The following ANKRD27 variants were observed in gnomAD, a reference collection of about 807,000 sequenced individuals.
The protein encoded by ANKRD27 is ankyrin repeat domain 27.
A neutral mutation model predicts 129.7 loss-of-function variants in ANKRD27; 112 were observed. The ratio of observed to expected loss-of-function variants is 0.86; its 90% CI spans 0.74 to 1.01. The LOEUF is 1.01. Among genes scored for constraint, ANKRD27 ranks in the 50% least tolerant of loss-of-function variants. The pLI is 0.00. For synonymous variants in ANKRD27, 516 were observed against 511.2 expected, an observed-to-expected ratio of 1.01 and a Z score of -0.13; for missense variants, 1,258 against 1,300.5, an observed-to-expected ratio of 0.97 and a Z score of 0.50.
chr19:32,658,399 C>A (rs981327711), intron 2 of ANKRD27, among the ~76,000 whole-genome samples: 1 of 152,206 alleles, frequency 6.6e-6, no homozygotes, highest in Admixed American at 6.5e-5. Context: ...CTGGCTGCCC[C>A]TGAAGGCTTC....
intron 23 of ANKRD27, among the ~76,000 whole-genome samples, chr19:32,607,331 G>A (rs374077167): frequency 1.3e-5 from 2 of 152,094 alleles, no homozygotes; most frequent in African/African-American, 4.8e-5. Context: ...CATGGGGACA[G>A]TGCTCGGTGG....
At chr19:32,605,779 A>G (rs1971723597) in intron 24 of ANKRD27, 56 bp downstream of exon 24, 1 of 1,595,746 alleles carries the variant, frequency 6.3e-7, no homozygotes, top group African/African-American at 1.3e-5. Flanking sequence ...CGCTGGGTGG[A>G]GGCGCCCTGT....
chr19:32,639,896 C>T (rs369485497), intron 11 of ANKRD27, among the ~76,000 whole-genome samples: 62 of 152,254 alleles, frequency 4.1e-4, no homozygotes, highest in African/African-American at 1.3e-3. Flanking sequence ...ACACCTAGCT[C>T]GTAACAGGTG....
At chr19:32,620,531 T>C (rs181823577) in intron 18 of ANKRD27, among the ~76,000 whole-genome samples, 1 of 149,100 alleles carries the variant, frequency 6.7e-6, no homozygotes, top group East Asian at 2.0e-4. Context: ...ATCATGCCAC[T>C]GCACTCCAGC....
chr19:32,661,217 T>TCACACA (rs1568419902), intron 1 of ANKRD27, among the ~76,000 whole-genome samples: 2 of 87,370 alleles, frequency 2.3e-5, no homozygotes, highest in African/African-American at 7.0e-5. Flanking sequence ...AAAAAAAAAA[T>TCACACA]TATACACACA....
chr19:32,642,826 T>C (rs1041120104), intron 9 of ANKRD27, among the ~76,000 whole-genome samples: 2 of 152,148 alleles, frequency 1.3e-5, no homozygotes, highest in African/African-American at 4.8e-5. Flanking sequence ...GGATGTCCCC[T>C]GCACGCAGAA....
intron 13 of ANKRD27, among the ~76,000 whole-genome samples, chr19:32,630,315 CCA>C (rs1966970825): frequency 6.6e-6 from 1 of 152,224 alleles, no homozygotes. Flanking sequence ...CTGCCCTCGC[CCA>C]GCACTCACGG....
In ANKRD27 at chr19:32,598,280, AGGCCTCTCT is replaced by A; in HGVS notation, c.3009_3017del (p.Glu1004_Pro1006del). 6.2e-7 allele frequency: 1 copy of A among 1,614,194 alleles called. No individual in the cohort carries two copies. Among genetic ancestry groups the A allele is most frequent in the South Asian group, 1.1e-5 (1 of 91,088 alleles). On this transcript the variant is annotated inframe_deletion, in exon 29 of 29. Coordinates refer to ENST00000306065, the MANE Select transcript of ANKRD27 (RefSeq NM_032139.3). ...GTCCAGGGCCAGTCTGTGTCAGTCC[AGGCCTCTCT>A]GGCCAGTCGCTGTTGCCTTTCTCAG...
At chr19:32,647,997 G>A (rs1599764131) in intron 3 of ANKRD27, among the ~76,000 whole-genome samples, 2 of 152,232 alleles carry the variant, frequency 1.3e-5, no homozygotes, top group East Asian at 3.8e-4. Flanking sequence ...CGGGTGCAGT[G>A]GCTCATGCCT....
intron 2 of ANKRD27, among the ~76,000 whole-genome samples, chr19:32,655,845 C>A (rs988297124): frequency 4.0e-5 from 6 of 151,868 alleles, no homozygotes; most frequent in African/African-American, 1.4e-4. Context: ...TAGTGAAACC[C>A]CATCTCTACT....
At chr19:32,621,564 G>C (rs1443062471) in intron 18 of ANKRD27, among the ~76,000 whole-genome samples, 10 of 152,148 alleles carry the variant, frequency 6.6e-5, no homozygotes, top group Admixed American at 6.6e-4. Context: ...GGAAGTGGAG[G>C]TTGCAGTGAG....
chr19:32,670,198 G>A lies in ANKRD27; in HGVS notation c.-31+4873C>T, dbSNP rs574847669. On this transcript the variant is annotated intron_variant, in intron 1 of 28. Transcript: ENST00000306065. ...CCACGCCCTTAACAAGCACTGCTGT[G>A]CGGACAGGGCCTGCTGTTATCCAGC... is the stretch of plus-strand genomic sequence containing the variant. Among the ~76,000 whole-genome samples the A allele has an allele frequency of 1.6e-3, 239 of 152,252 alleles. 1 individual carries two copies. Among genetic ancestry groups the A allele is most frequent in the African/African-American group, 5.6e-3 (231 of 41,550 alleles).
intron 12 of ANKRD27, chr19:32,637,488 T>C (rs961315387): frequency 6.6e-6 from 1 of 152,232 alleles, no homozygotes; most frequent in Non-Finnish European, 1.5e-5. Flanking sequence ...AGTCCTCAAA[T>C]TGCACACATT....
intron 25 of ANKRD27, among the ~76,000 whole-genome samples, chr19:32,603,224 G>A (rs1378569220): frequency 1.3e-5 from 2 of 152,144 alleles, no homozygotes; most frequent in East Asian, 3.9e-4. Context: ...CTTGAACCCA[G>A]GAGGCAGAGG....
At chr19:32,605,753 A>G in intron 24 of ANKRD27, 82 bp downstream of exon 24, 2 of 1,557,606 alleles carry the variant, frequency 1.3e-6, no homozygotes, top group South Asian at 1.2e-5. Flanking sequence ...CTCCATCCCC[A>G]GTGCGCTGCG....
intron 26 of ANKRD27, among the ~76,000 whole-genome samples, chr19:32,601,441 AAAAC>A (rs540343986): frequency 1.3e-3 from 194 of 151,996 alleles, no homozygotes; most frequent in African/African-American, 4.5e-3. Context: ...TAAAAATACA[AAAAC>A]AAAATTAGCT....
chr19:32,619,781 G>A lies in ANKRD27; in HGVS notation c.1828-228C>T, dbSNP rs551219001. The stretch of plus-strand genomic sequence containing the variant: ...CGAAGTCGGGGCTTCCTCCCTTCAC[G>A]GCTCCTCCTGTCCCGTGGGAGGGCT... On this transcript the variant is annotated intron_variant, in intron 18 of 28. Transcript: ENST00000306065. 4.6e-5 allele frequency among the ~76,000 whole-genome samples: 7 copies of A among 152,208 alleles called. No homozygotes were observed. In the South Asian group the frequency reaches 1.5e-3, roughly 32 times the overall value.
chr19:32,670,322 T>C (rs1256978896), intron 1 of ANKRD27, among the ~76,000 whole-genome samples: 1 of 152,054 alleles, frequency 6.6e-6, no homozygotes, highest in African/African-American at 2.4e-5. Context: ...TGTCCTTTCA[T>C]CCGTGCTGTC....
intron 1 of ANKRD27, among the ~76,000 whole-genome samples, chr19:32,660,380 T>C (rs555094968): frequency 6.6e-6 from 1 of 152,092 alleles, no homozygotes; most frequent in East Asian, 1.9e-4. Context: ...CCGTCTCTAC[T>C]GAAAATACAA....
Sources: gnomAD v4.1 joint callset for allele counts (sites outside exome capture counted in the v4.1 genomes callset) on GRCh38, gnomAD v4.1.1 for gene constraint, MANE v1.5 for transcripts, NCBI Gene and HGNC (gene_info 2026-07-23, HGNC 2026-07-21) for gene names.